PPP1R21: variants seen among roughly 807,000 people sequenced by gnomAD.
PPP1R21 encodes protein phosphatase 1 regulatory subunit 21.
In PPP1R21, 85 loss-of-function variants were observed where a neutral mutation model predicts 112.8. That is an observed-to-expected ratio of 0.75 (90% CI 0.63 to 0.90). The LOEUF (loss-of-function observed/expected upper bound fraction) is 0.90, where lower values mean the gene tolerates loss of function less well. Ranked by LOEUF, PPP1R21 falls within the 40% of genes least tolerant of loss-of-function variation. PPP1R21 has a pLI of 0.00. For missense variants in PPP1R21, 1,199 were observed against 901.5 expected, an observed-to-expected ratio of 1.33 and a Z score of -4.23; for synonymous variants, 381 against 322.3, an observed-to-expected ratio of 1.18 and a Z score of -1.95.
At chr2:48,450,500 T>G (rs1667426008) in intron 1 of PPP1R21, among the ~76,000 whole-genome samples, 1 of 152,242 alleles carries the variant, frequency 6.6e-6, no homozygotes, top group African/African-American at 2.4e-5. Context: ...AGGCCATTGT[T>G]GATGATGACA....
intron 11 of PPP1R21, among the ~76,000 whole-genome samples, chr2:48,472,684 C>G (rs1668573354): frequency 6.6e-6 from 1 of 151,680 alleles, no homozygotes; most frequent in African/African-American, 2.4e-5. Context: ...CATGGTGGCA[C>G]ATGCCTGTAA....
intron 2 of PPP1R21, among the ~76,000 whole-genome samples, chr2:48,453,536 A>T (rs1323411950): frequency 1.3e-5 from 2 of 152,178 alleles, no homozygotes; most frequent in Non-Finnish European, 2.9e-5. Context: ...TGTGTTTGAC[A>T]ATCAGTGAAT....
intron 1 of PPP1R21, among the ~76,000 whole-genome samples, chr2:48,443,594 G>A (rs1667124373): frequency 6.6e-6 from 1 of 152,182 alleles, no homozygotes; most frequent in South Asian, 2.1e-4. Context: ...TGCCAGACTT[G>A]GGGTCATCTC....
At chr2:48,464,133 C>G (rs1668101302) in intron 7 of PPP1R21, among the ~76,000 whole-genome samples, 1 of 152,068 alleles carries the variant, frequency 6.6e-6, no homozygotes, top group South Asian at 2.1e-4. Flanking sequence ...GCAAAACAAG[C>G]AAGGCTGAAA....
chr2:48,484,424 C>T (rs920790896), intron 13 of PPP1R21, among the ~76,000 whole-genome samples: 1 of 152,000 alleles, frequency 6.6e-6, no homozygotes, highest in Non-Finnish European at 1.5e-5. Flanking sequence ...TGGTCTAAGT[C>T]ACATGATTCT....
intron 1 of PPP1R21, among the ~76,000 whole-genome samples, chr2:48,450,425 A>G (rs932604319): frequency 1.3e-5 from 2 of 152,200 alleles, no homozygotes; most frequent in Admixed American, 6.5e-5. Flanking sequence ...AGTGGGTACT[A>G]TTATTAACTT....
intron 17 of PPP1R21, among the ~76,000 whole-genome samples, chr2:48,503,477 G>A (rs1365164568): frequency 6.6e-6 from 1 of 152,062 alleles, no homozygotes; most frequent in Non-Finnish European, 1.5e-5. Context: ...GGTTATTTCT[G>A]CATGTTAAAT....
intron 1 of PPP1R21, 45 bp downstream of exon 1, chr2:48,441,055 C>A: frequency 7.0e-7 from 1 of 1,422,360 alleles, no homozygotes; most frequent in Non-Finnish European, 9.9e-7. Context: ...GCCCTGCGGC[C>A]TCAGGTTGCC....
intron 13 of PPP1R21, among the ~76,000 whole-genome samples, chr2:48,484,813 C>T (rs1669204575): frequency 1.3e-5 from 2 of 152,160 alleles, no homozygotes; most frequent in African/African-American, 4.8e-5. Flanking sequence ...CTGCATCCTG[C>T]CAAGAGTAAA....
intron 13 of PPP1R21, among the ~76,000 whole-genome samples, chr2:48,480,357 C>T (rs180733878): frequency 6.6e-6 from 1 of 152,262 alleles, no homozygotes; most frequent in East Asian, 1.9e-4. Context: ...CTTCTTAGAG[C>T]CCAAGCACAA....
chr2:48,471,057 T>C, intron 9 of PPP1R21, 30 bp from the exon 10 acceptor site: 1 of 1,416,566 alleles, frequency 7.1e-7, no homozygotes, highest in Non-Finnish European at 1.0e-6. Context: ...TTCCAGTGAT[T>C]TAATTCACAA....
intron 1 of PPP1R21, among the ~76,000 whole-genome samples, chr2:48,444,128 C>CA (rs745527361): frequency 1.3e-5 from 2 of 151,952 alleles, no homozygotes; most frequent in Admixed American, 6.5e-5. Context: ...CTGTGGAGGT[C>CA]AAAGCAGATG....
intron 4 of PPP1R21, among the ~76,000 whole-genome samples, chr2:48,458,603 GT>G (rs2103791010): frequency 9.6e-6 from 1 of 104,010 alleles, no homozygotes; most frequent in South Asian, 3.1e-4. Flanking sequence ...TTTAACTGAT[GT>G]TTAGTTTTTT....
intron 1 of PPP1R21, among the ~76,000 whole-genome samples, chr2:48,446,189 A>G (rs4464333): frequency 0.98 from 148,700 of 152,376 alleles, 72,679 homozygotes; most frequent in Middle Eastern, 0.99. Context: ...ATGCATATGA[A>G]TGATTCATCT....
intron 1 of PPP1R21, 47 bp from the exon 2 acceptor site, chr2:48,450,961 C>T: frequency 6.7e-7 from 1 of 1,481,718 alleles, no homozygotes. Flanking sequence ...CTTGATATAA[C>T]CAATTGCTTT....
intron 12 of PPP1R21, among the ~76,000 whole-genome samples, chr2:48,478,491 G>T (rs372596692): frequency 3.9e-5 from 6 of 152,214 alleles, no homozygotes; most frequent in African/African-American, 1.2e-4. Context: ...CTCCTTCACT[G>T]TCTCTTTCAC....
chr2:48,456,058 T>C (rs925415370), intron 3 of PPP1R21, among the ~76,000 whole-genome samples: 3 of 150,648 alleles, frequency 2.0e-5, no homozygotes, highest in East Asian at 1.9e-4. Context: ...GAAACACTTA[T>C]ACCTTAGGTT....
At position 48,458,178 on chromosome 2, in the gene PPP1R21, A is replaced by T. The variant is rs757498706; in HGVS notation, c.326A>T (p.Asp109Val). The T allele has an allele frequency of 6.2e-7, 1 of 1,612,736 alleles. No homozygotes were observed. Residue 109 changes from aspartate to valine, a missense_variant, in exon 4 of 22, where the codon GAT becomes GTT. Asp to Val is a radical substitution (Grantham distance 152, BLOSUM62 -3). Coordinates refer to ENST00000294952, the MANE Select transcript of PPP1R21 (RefSeq NM_001135629.3). ...QLSQEQKSVF[D>V]EDLQKKIEEN... ...AGTCAAGAGCAGAAGAGTGTCTTTG[A>T]TGAAGATCTGCAAAAGAAGATAGAA...
Position 48,477,721 on chromosome 2 carries a change from G to A in PPP1R21, c.1226-2203G>A, listed in dbSNP as rs116745406. 5.5e-3 allele frequency among the ~76,000 whole-genome samples: 828 copies of A among 149,348 alleles called. 3 individuals carry two copies. Among genetic ancestry groups the A allele is most frequent in the Non-Finnish European group, 8.0e-3 (539 of 67,626 alleles). On this transcript the variant is annotated intron_variant, in intron 12 of 21. Coordinates refer to ENST00000294952, the MANE Select transcript of PPP1R21 (RefSeq NM_001135629.3). ...GTTATTTGAGGTCCCTTGCAATCCC[G>A]TATGAATTTTAGAATCAGCTTGTGT...
Sources: allele counts gnomAD v4.1 joint callset (sites outside exome capture counted in the v4.1 genomes callset), GRCh38; gene constraint gnomAD v4.1.1; transcripts MANE v1.5; gene names NCBI Gene and HGNC (gene_info 2026-07-23, HGNC 2026-07-21).